CYB5R2: variants seen among roughly 807,000 people sequenced by gnomAD.
CYB5R2 encodes cytochrome b5 reductase 2, also known as NADH-cytochrome b5 reductase 2.
CYB5R2 carries 35 observed loss-of-function variants against 29.8 expected under a neutral mutation model. That is an observed-to-expected ratio of 1.17 (90% CI 0.90 to 1.56). The LOEUF is 1.56. CYB5R2 is among the 40% of genes most tolerant of loss of function. CYB5R2 has a pLI of 0.00. For missense variants in CYB5R2, 419 were observed against 346.7 expected, an observed-to-expected ratio of 1.21 and a Z score of -1.66; for synonymous variants, 169 against 130.6, an observed-to-expected ratio of 1.29 and a Z score of -2.01.
Position 7,672,467 on chromosome 11 carries a change from G to A in CYB5R2, c.135C>T (p.Val45=). 6.2e-7 allele frequency: 1 copy of A among 1,614,198 alleles called. No homozygotes were observed. Among genetic ancestry groups the A allele is most frequent in the Non-Finnish European group, 8.5e-7 (1 of 1,180,022 alleles). Residue 45 remains valine (V), a synonymous_variant, in exon 3 of 9, where the codon GTC becomes GTT. Transcript: ENST00000299498. ...CCGGCTCACCTACAGGAAGCCCTAAGACATGGTCCGGCGAAGGCAGTCCAA... is the reference window on the plus strand; with the variant it reads ...CCGGCTCACCTACAGGAAGCCCTAAAACATGGTCCGGCGAAGGCAGTCCAA... ...FRFGLPSPDH[V]LGLPVGNYVQ...
At chr11:7,673,089 C>A in intron 1 of CYB5R2, 198 bp from the exon 2 acceptor site, 1 of 518,374 alleles carries the variant, frequency 1.9e-6, no homozygotes, top group East Asian at 4.0e-5. Flanking sequence ...GAGGGGTCAG[C>A]TGCAGGTCAC....
rs756523284 is a variant in CYB5R2 at position 7,666,547 on chromosome 11, C to G, written c.562G>C (p.Glu188Gln). 6.2e-7 allele frequency: 1 copy of G among 1,612,510 alleles called. No homozygotes were observed. ...TCTTTTCTGACCAAGATATCCTCCTCTGTCTAGAAAAGAAGCAACACTGAA... is the reference window on the plus strand; with the variant it reads ...TCTTTTCTGACCAAGATATCCTCCTGTGTCTAGAAAAGAAGCAACACTGAA... Reference protein sequence around the residue: ...RMSLIFANQTEEDILVRKELE... With the variant: ...RMSLIFANQTQEDILVRKELE... The change falls in exon 8 of 9, where the codon GAG (glutamate) becomes CAG (glutamine). Residue 188 changes from glutamate (E) to glutamine (Q), a missense_variant. Coordinates refer to ENST00000299498, the MANE Select transcript of CYB5R2 (RefSeq NM_016229.5).
upstream of CYB5R2, chr11:7,673,686 A>G (rs2136136753): frequency 2.0e-6 from 2 of 983,978 alleles, no homozygotes; most frequent in Non-Finnish European, 2.4e-6. Context: ...TTTCTTCAAT[A>G]CTCCATAAAT....
intron 7 of CYB5R2, chr11:7,666,813 G>T (rs1316491279): frequency 3.1e-6 from 1 of 326,420 alleles, no homozygotes; most frequent in Non-Finnish European, 5.8e-6. Context: ...CCTCCAACTA[G>T]AAGGACCTTA....
intron 3 of CYB5R2, chr11:7,670,212 G>GT (rs200886404): frequency 0.036 from 6,200 of 174,422 alleles, 158 homozygotes; most frequent in Middle Eastern, 0.085. Flanking sequence ...AATTAGCCAG[G>GT]TGTGGTGGTG....
intron 1 of CYB5R2, 165 bp downstream of exon 1, chr11:7,673,254 G>T: frequency 1.8e-6 from 1 of 571,310 alleles, no homozygotes; most frequent in South Asian, 3.7e-5. Context: ...CACACAATCC[G>T]GAATGAGGGG....
chr11:7,665,579 C>T (rs55826178), intron 8 of CYB5R2, 33 bp from the exon 9 acceptor site: 6 of 1,564,384 alleles, frequency 3.8e-6, no homozygotes, highest in East Asian at 2.2e-5. Flanking sequence ...GCAAGCTGAG[C>T]GATGCCAGGT....
At chr11:7,673,520 CG>C (rs1855888716), upstream of CYB5R2, 3 of 985,654 alleles carry the variant, frequency 3.0e-6, no homozygotes, top group South Asian at 9.4e-5. Context: ...GAATCCGAGC[CG>C]GCCCGCCCCA....
chr11:7,670,623 A>C (rs1855671055), intron 3 of CYB5R2: 1 of 152,198 alleles, frequency 6.6e-6, no homozygotes. Flanking sequence ...TGAAGTTTTT[A>C]ACCATGTAAC....
intron 4 of CYB5R2, 125 bp from the exon 5 acceptor site, chr11:7,669,459 C>T (rs530283483): frequency 2.6e-5 from 33 of 1,284,858 alleles, no homozygotes; most frequent in Middle Eastern, 1.9e-4. Flanking sequence ...AATTGTTGTA[C>T]GCAATCCCTG....
chr11:7,669,472 G>A (rs1750867758), intron 4 of CYB5R2, 138 bp from the exon 5 acceptor site: 11 of 1,258,970 alleles, frequency 8.7e-6, no homozygotes, highest in Non-Finnish European at 1.2e-5. Flanking sequence ...AATCCCTGAA[G>A]ATGAAGCTGC....
rs150689769 is a variant in CYB5R2 at position 7,669,285 on chromosome 11, G to T, written c.308C>A (p.Thr103Asn). 11 of 1,613,980 alleles carry T rather than the reference G, an allele frequency of 6.8e-6. No homozygotes were observed. The African/African-American group carries it at 1.5e-4, about 22-fold the overall frequency. ...GATTTTCATGTTCTCCAAATACTGA[G>T]TCATCTTCCCACCTTCAGGATATTG... Reference protein sequence around the residue: ...HPQYPEGGKMTQYLENMKIGE... With the variant: ...HPQYPEGGKMNQYLENMKIGE... Residue 103 changes from threonine to asparagine, a missense_variant, in exon 5 of 9, where the codon ACT becomes AAT. Physicochemically the swap from Thr to Asn is moderately conservative, Grantham distance 65. Transcript: ENST00000299498.
At chr11:7,668,582 T>TA in intron 5 of CYB5R2, 21 bp from the exon 6 acceptor site, 1 of 1,588,512 alleles carries the variant, frequency 6.3e-7, no homozygotes. Flanking sequence ...AGAGAATGCT[T>TA]ATGACCTCTG....
chr11:7,672,425 C>A, intron 3 of CYB5R2, 26 bp downstream of exon 3: 1 of 1,610,084 alleles, frequency 6.2e-7, no homozygotes, highest in South Asian at 1.1e-5. Context: ...GGCCCCAGTC[C>A]TGGTGATGAC....
intron 2 of CYB5R2, 99 bp from the exon 3 acceptor site, chr11:7,672,622 GCACACACA>G (rs57207415): frequency 3.2e-6 from 4 of 1,236,672 alleles, no homozygotes; most frequent in South Asian, 1.3e-5. Flanking sequence ...CGCTATTCCA[GCACACACA>G]CACACACACA....
At chr11:7,670,943 CAAGG>C (rs1221255514) in intron 3 of CYB5R2, 1 of 148,418 alleles carries the variant, frequency 6.7e-6, no homozygotes, top group African/African-American at 2.5e-5. Context: ...TTAGTCGAGA[CAAGG>C]AAGATGGAAC....
In CYB5R2 at chr11:7,672,622, G is replaced by GCA. The variant is rs57207415; in HGVS notation, c.79-101_79-100dup. The GCA allele has an allele frequency of 4.0e-3, 4,939 of 1,224,058 alleles. 10 individuals carry two copies. The highest frequency in any genetic ancestry group is 0.019 in the South Asian group (1,414 of 75,178). 75.8% of individuals were successfully genotyped at this position (1,224,058 alleles called of 1,614,324 possible). ...AGGAGGTCCGTTTGGCGCTATTCCA[G>GCA]CACACACACACACACACACAGGGCG... On this transcript the variant is annotated intron_variant, in intron 2 of 8. Coordinates refer to ENST00000299498, the MANE Select transcript of CYB5R2 (RefSeq NM_016229.5).
chr11:7,672,085 G>C (rs753354449), intron 3 of CYB5R2: 1 of 219,814 alleles, frequency 4.5e-6, no homozygotes, highest in Non-Finnish European at 9.0e-6. Context: ...AACAACCCAA[G>C]TGAGGTAGAC....
chr11:7,669,854 A>C, intron 3 of CYB5R2, 123 bp from the exon 4 acceptor site: 1 of 747,256 alleles, frequency 1.3e-6, no homozygotes, highest in Non-Finnish European at 2.3e-6. Context: ...AGGGGTGGGA[A>C]GAAGAGAGCA....
Sources: gnomAD v4.1 joint callset for allele counts on GRCh38, gnomAD v4.1.1 for gene constraint, MANE v1.5 for transcripts, NCBI Gene and HGNC (gene_info 2026-07-23, HGNC 2026-07-21) for gene names.